The following ASIC4 variants were observed in gnomAD, a reference collection of about 807,000 sequenced individuals.
ASIC4 encodes the protein acid-sensing ion channel 4.
A neutral mutation model predicts 53.4 loss-of-function variants in ASIC4; 28 were observed. That is an observed-to-expected ratio of 0.52 (90% CI 0.39 to 0.72). ASIC4 has a LOEUF of 0.72. Ranked by LOEUF, ASIC4 falls within the 30% of genes least tolerant of loss-of-function variation. ASIC4 has a pLI of 0.00. For missense variants in ASIC4, 649 were observed against 729.7 expected, an observed-to-expected ratio of 0.89 and a Z score of 1.27; for synonymous variants, 289 against 301.4, an observed-to-expected ratio of 0.96 and a Z score of 0.43.
intron 1 of ASIC4, among the ~76,000 whole-genome samples, chr2:219,528,290 C>G (rs762307148): frequency 1.1e-4 from 17 of 152,166 alleles, no homozygotes; most frequent in Non-Finnish European, 2.1e-4. Flanking sequence ...GTGGCGTGAT[C>G]TCAGCTCACT....
rs1174969176 is a variant in ASIC4 at position 219,532,929 on chromosome 2, C to G, written c.1065C>G (p.Asp355Glu). ...CAAATATCTACATCGAGTGTGCAGA[C>G]CACACACTGGGTCCGTGCTGCCTAC... ...CPPNIYIECADHTLDSLGGGP... is the reference protein window; with the variant it reads ...CPPNIYIECAEHTLDSLGGGP... The change falls in exon 5 of 10, where the codon GAC (aspartate) becomes GAG (glutamate). Residue 355 changes from aspartate (D) to glutamate (E), a missense_variant. Physicochemically the swap from Asp to Glu is conservative, Grantham distance 45 (BLOSUM62 2). Transcript: ENST00000358078. 1.2e-6 allele frequency: 2 copies of G among 1,614,120 alleles called. No homozygotes were observed. Among genetic ancestry groups the G allele is most frequent in the South Asian group, 1.1e-5 (1 of 91,086 alleles).
At chr2:219,529,213 C>T (rs140463543) in intron 1 of ASIC4, among the ~76,000 whole-genome samples, 16 of 152,306 alleles carry the variant, frequency 1.1e-4, no homozygotes, top group South Asian at 4.1e-4. Context: ...ACATGTGAAG[C>T]GTTTAGCACA....
chr2:219,514,323 G>T (rs576818700), upstream of ASIC4: 2 of 1,524,864 alleles, frequency 1.3e-6, no homozygotes, highest in African/African-American at 1.4e-5. Context: ...ATTATTAAGC[G>T]TGGGGAGGGC....
intron 1 of ASIC4, among the ~76,000 whole-genome samples, chr2:219,526,362 C>T (rs1055811324): frequency 1.3e-5 from 2 of 151,944 alleles, no homozygotes; most frequent in African/African-American, 4.8e-5. Context: ...AGCCTCAGGC[C>T]CAGGGAAAAG....
chr2:219,537,009 T>C lies in ASIC4; in HGVS notation c.1230-57T>C, dbSNP rs1246905568. 1 of 1,508,094 alleles carries C rather than the reference T, an allele frequency of 6.6e-7. No homozygotes were observed. The highest frequency in any genetic ancestry group is 9.2e-7 in the Non-Finnish European group (1 of 1,088,806). 93.4% of individuals were successfully genotyped at this position (1,508,094 alleles called of 1,614,324 possible). ...GGATCTGCTGGATCCAGGATGCCCCTGCCAGCCTTCTCAGGAAGAGAGGCC... is the reference window on the plus strand; with the variant it reads ...GGATCTGCTGGATCCAGGATGCCCCCGCCAGCCTTCTCAGGAAGAGAGGCC... On this transcript the variant is annotated intron_variant, in intron 6 of 9. Coordinates refer to ENST00000358078, the MANE Select transcript of ASIC4 (RefSeq NM_018674.6). The surrounding 1 kb of genome is among the most constrained non-coding windows in gnomAD (Gnocchi z 4.9).
intron 1 of ASIC4, among the ~76,000 whole-genome samples, chr2:219,527,248 G>C (rs1165089165): frequency 6.6e-6 from 1 of 152,214 alleles, no homozygotes; most frequent in Non-Finnish European, 1.5e-5. Context: ...GCTGTGCTCT[G>C]ACCAGCAGTC....
chr2:219,510,679 G>A (rs1694688826), upstream of ASIC4, among the ~76,000 whole-genome samples: 1 of 152,196 alleles, frequency 6.6e-6, no homozygotes, highest in Non-Finnish European at 1.5e-5. This position sits in a 1 kb window ranked among gnomAD's most constrained non-coding sequence, Gnocchi z 5.2. Context: ...CCCGAAAGGA[G>A]ATGGGAAGTG....
In ASIC4 at chr2:219,537,259, A is replaced by T. The variant is rs763761916; in HGVS notation, c.1339A>T (p.Met447Leu). 1.2e-6 allele frequency: 2 copies of T among 1,613,772 alleles called. No homozygotes were observed. Among genetic ancestry groups the T allele is most frequent in the South Asian group, 2.2e-5 (2 of 91,010 alleles). ...SALLGDLGGQ[M>L]GLFIGASILT... ...CTTCCCAGGAGACCTCGGGGGACAG[A>T]TGGGCCTGTTCATTGGGGCCAGCAT... Residue 447 changes from methionine to leucine, a missense_variant, in exon 8 of 10, where the codon ATG becomes TTG. Coordinates refer to ENST00000358078, the MANE Select transcript of ASIC4 (RefSeq NM_018674.6). The surrounding 1 kb of genome is among the most constrained non-coding windows in gnomAD (Gnocchi z 4.9).
intron 6 of ASIC4, among the ~76,000 whole-genome samples, chr2:219,535,791 G>A (rs75071063): frequency 8.4e-5 from 4 of 47,566 alleles, no homozygotes; most frequent in African/African-American, 3.2e-4. Context: ...TTTTTTTTTT[G>A]AGACAGAGTC....
intron 1 of ASIC4, among the ~76,000 whole-genome samples, chr2:219,519,053 C>T (rs1014056490): frequency 6.6e-5 from 10 of 152,102 alleles, no homozygotes; most frequent in Admixed American, 2.0e-4. Flanking sequence ...TACAGGTGCC[C>T]GCCACCTCGC....
rs1694816033 is a variant in ASIC4, at chr2:219,517,646, C to T, written c.582+2340C>T. ...GTAGTGGGGAAGATGGGGTGTATTACAGGGGAAAGACTGGAGAATGGGCAT... is the reference window on the plus strand; with the variant it reads ...GTAGTGGGGAAGATGGGGTGTATTATAGGGGAAAGACTGGAGAATGGGCAT... On this transcript the variant is annotated intron_variant, in intron 1 of 9. Coordinates refer to ENST00000358078, the MANE Select transcript of ASIC4 (RefSeq NM_018674.6). The surrounding 1 kb of genome is among the most constrained non-coding windows in gnomAD (Gnocchi z 4.2). Among the ~76,000 whole-genome samples, 1 of 152,068 alleles carries T rather than the reference C, an allele frequency of 6.6e-6. No individual in the cohort carries two copies. Among genetic ancestry groups the T allele is most frequent in the Admixed American group, 6.6e-5 (1 of 15,262 alleles).
At chr2:219,519,244 A>G (rs891765702) in intron 1 of ASIC4, among the ~76,000 whole-genome samples, 1 of 152,172 alleles carries the variant, frequency 6.6e-6, no homozygotes, top group Non-Finnish European at 1.5e-5. Context: ...AGATGCTCCT[A>G]AAGAGCTTAG....
chr2:219,530,594 G>A (rs1040950837), intron 1 of ASIC4, among the ~76,000 whole-genome samples: 13 of 152,286 alleles, frequency 8.5e-5, no homozygotes, highest in Non-Finnish European at 1.9e-4. Flanking sequence ...CAACAGACAT[G>A]TGGATGCATG....
In ASIC4 at chr2:219,518,974, G is replaced by A. The variant is rs996463928; in HGVS notation, c.582+3668G>A. On this transcript the variant is annotated intron_variant, in intron 1 of 9. Transcript: ENST00000358078. This position sits in a 1 kb window ranked among gnomAD's most constrained non-coding sequence, Gnocchi z 4.8. ...GCTGGAGTGCAGCGGCGCGATCTCG[G>A]CTCACTACAGGCTCCGCCCCCCGGG... 3.9e-5 allele frequency among the ~76,000 whole-genome samples: 6 copies of A among 152,150 alleles called. No homozygotes were observed. The highest frequency in any genetic ancestry group is 5.9e-5 in the Non-Finnish European group (4 of 68,026).
At chr2:219,526,425 A>G (rs2125662712) in intron 1 of ASIC4, among the ~76,000 whole-genome samples, 2 of 152,304 alleles carry the variant, frequency 1.3e-5, no homozygotes, top group African/African-American at 4.8e-5. Flanking sequence ...AGGGATGGAT[A>G]GAGAAGAAAG....
chr2:219,511,745 T>G (rs1694704380), upstream of ASIC4, among the ~76,000 whole-genome samples: 1 of 149,394 alleles, frequency 6.7e-6, no homozygotes, highest in Non-Finnish European at 1.5e-5. The surrounding 1 kb of genome is among the most constrained non-coding windows in gnomAD (Gnocchi z 5.3). Flanking sequence ...GTGGGGGAGC[T>G]TGGGCGCAGG....
intron 1 of ASIC4, among the ~76,000 whole-genome samples, chr2:219,521,716 TGCCTCTGAGTTATAAGTTATAA>T (rs1694887376): frequency 1.8e-5 from 2 of 111,726 alleles, no homozygotes; most frequent in African/African-American, 4.4e-5. Flanking sequence ...GGCCTCAGGC[TGCCTCTGAGTTATAAGTTATAA>T]GTATTCCTGA....
At position 219,537,150 on chromosome 2, in the gene ASIC4, C is replaced by T; in HGVS notation, c.1314C>T (p.Ala438=). ...AGCGAGCAGCCTATGGCCTGTCAGC[C>T]CTGCTGGGTGAGACTGGTGTCCCTG... ...MEQRAAYGLS[A]LLGDLGGQMG... Residue 438 remains alanine, a synonymous_variant, in exon 7 of 10, where the codon GCC becomes GCT. Transcript: ENST00000358078. This position sits in a 1 kb window ranked among gnomAD's most constrained non-coding sequence, Gnocchi z 4.9. 6.2e-7 allele frequency: 1 copy of T among 1,614,004 alleles called. No homozygotes were observed. Among genetic ancestry groups the T allele is most frequent in the South Asian group, 1.1e-5 (1 of 91,076 alleles).
Position 219,535,277 on chromosome 2 carries a change from A to G in ASIC4, c.1182A>G (p.Ser394=). 1 of 1,613,758 alleles carries G rather than the reference A, an allele frequency of 6.2e-7. No homozygotes were observed. Among genetic ancestry groups the G allele is most frequent in the Non-Finnish European group, 8.5e-7 (1 of 1,179,880 alleles). Residue 394 remains serine (S), a synonymous_variant, in exon 6 of 10, where the codon TCA becomes TCG. Transcript: ENST00000358078. The part of the protein sequence containing the change: ...ISMVRIPNRG[S]ARYLARKYNR... ...TGGTCAGGATCCCCAACAGGGGCTC[A>G]GCCCGGTACCTGGCGAGGAAGTACA...
Sources: allele counts gnomAD v4.1 joint callset (sites outside exome capture counted in the v4.1 genomes callset), GRCh38; gene constraint gnomAD v4.1.1; non-coding constraint Gnocchi (gnomAD v3.1); transcripts MANE v1.5; gene names NCBI Gene and HGNC (gene_info 2026-07-23, HGNC 2026-07-21).